Variants in HERC2 observed in about 807,000 individuals in gnomAD.
HERC2 encodes HECT and RLD domain containing E3 ubiquitin protein ligase 2.
In HERC2, 102 loss-of-function variants were observed where a neutral mutation model predicts 537.7. The ratio of observed to expected loss-of-function variants is 0.19; its 90% CI spans 0.16 to 0.22. The LOEUF is 0.22. Among genes scored for constraint, HERC2 ranks in the 10% least tolerant of loss-of-function variants. The pLI is 1.00. For missense variants in HERC2, 4,236 were observed against 6,198.2 expected (o/e 0.68, Z 10.63); for synonymous variants, 2,224 against 2,466.2 (o/e 0.90, Z 2.91).
In HERC2 at chr15:28,314,644, C is replaced by A. The variant is rs141541560; in HGVS notation, c.72+6718G>T. Among the ~76,000 whole-genome samples, 228 of 151,910 alleles carry A rather than the reference C, an allele frequency of 1.5e-3. 1 individual carries two copies. The highest frequency in any genetic ancestry group is 3.2e-3 in the Admixed American group (48 of 15,238). On this transcript the variant is annotated intron_variant, in intron 2 of 92. Transcript: ENST00000261609. ...GGCCAAGGCGGGCGGATCATGAGGTCAGGAGTTCAAGACCAGCCTGGCCAA... is the reference window on the plus strand; with the variant it reads ...GGCCAAGGCGGGCGGATCATGAGGTAAGGAGTTCAAGACCAGCCTGGCCAA...
chr15:28,169,796 A>G (rs1894509432), intron 65 of HERC2, 141 bp from the exon 66 acceptor site: 2 of 692,170 alleles, frequency 2.9e-6, no homozygotes, highest in Non-Finnish European at 4.7e-6. Context: ...CAGGCTCATT[A>G]ATAGGCCTTC....
At chr15:28,301,681 C>T (rs1400097106) in intron 2 of HERC2, among the ~76,000 whole-genome samples, 1 of 123,592 alleles carries the variant, frequency 8.1e-6, no homozygotes, top group Non-Finnish European at 1.6e-5. Context: ...CAGATGTTTG[C>T]CCATCTTTTT....
Position 28,292,881 on chromosome 15 carries a change from A to G in HERC2, c.322+7T>C. ...CCTTTCCAAAGTGCCAAAATTCACA[A>G]GATTACCTGGTTGCTTGCCCCATAC... On this transcript the variant is annotated splice_region_variant and intron_variant, in intron 4 of 92. Coordinates refer to ENST00000261609, the MANE Select transcript of HERC2 (RefSeq NM_004667.6). 6.2e-7 allele frequency: 1 copy of G among 1,609,264 alleles called. No homozygotes were observed. Among genetic ancestry groups the G allele is most frequent in the Non-Finnish European group, 8.5e-7 (1 of 1,179,468 alleles).
At chr15:28,168,677 G>A in intron 66 of HERC2, 87 bp from the exon 67 acceptor site, 2 of 1,238,108 alleles carry the variant, frequency 1.6e-6, no homozygotes, top group Non-Finnish European at 2.2e-6. Flanking sequence ...AGCACGCACT[G>A]AGGCGTTTCC....
chr15:28,111,063 T>C lies in HERC2; in HGVS notation c.*700A>G, dbSNP rs1478512326. On this transcript the variant is annotated 3_prime_UTR_variant, in exon 93 of 93. Transcript: ENST00000261609. ...ACTTTTATGTCAGATGTTTTATTTA[T>C]AGATAATTAAAATTTAGGCATATAC... is the stretch of plus-strand genomic sequence containing the variant. 1.3e-5 allele frequency: 2 copies of C among 152,260 alleles called. No individual in the cohort carries two copies. Among genetic ancestry groups the C allele is most frequent in the Non-Finnish European group, 2.9e-5 (2 of 68,048 alleles). 9.4% of individuals were successfully genotyped at this position (152,260 alleles called of 1,614,324 possible).
At chr15:28,279,651 A>ACACACACACACAC (rs2075971136) in intron 5 of HERC2, among the ~76,000 whole-genome samples, 3 of 150,936 alleles carry the variant, frequency 2.0e-5, no homozygotes, top group Admixed American at 6.6e-5. Context: ...ACACACACAC[A>ACACACACACACAC]AATTGTTTTT....
intron 44 of HERC2, among the ~76,000 whole-genome samples, chr15:28,209,711 T>C (rs1421749606): frequency 1.3e-5 from 2 of 152,128 alleles, no homozygotes; most frequent in Admixed American, 1.3e-4. Context: ...ACTACACCAT[T>C]TTATAGAAGG....
intron 65 of HERC2, among the ~76,000 whole-genome samples, chr15:28,172,983 C>T (rs1037283160): frequency 2.0e-5 from 3 of 152,194 alleles, no homozygotes; most frequent in East Asian, 3.9e-4. Context: ...GTATCTGATT[C>T]GTAAATAAGC....
intron 69 of HERC2, among the ~76,000 whole-genome samples, chr15:28,156,331 T>C (rs1336303223): frequency 2.0e-5 from 3 of 152,216 alleles, no homozygotes; most frequent in Non-Finnish European, 4.4e-5. Flanking sequence ...GGGATGGCAT[T>C]GAATCTATAA....
rs931834874 is a variant in HERC2 at position 28,115,159 on chromosome 15, G to A, written c.13722+270C>T. The A allele has an allele frequency of 3.3e-5, 17 of 511,746 alleles. No individual in the cohort carries two copies. The Admixed American group carries it at 5.2e-4, about 16-fold the overall frequency. 31.7% of individuals were successfully genotyped at this position (511,746 alleles called of 1,614,324 possible). ...GCCTCCCGTGCAAGCCTGACTCACG[G>A]CCCCCAGCTGCCCAAAAGCTCAGCT... On this transcript the variant is annotated intron_variant, in intron 89 of 92. Transcript: ENST00000261609.
intron 15 of HERC2, among the ~76,000 whole-genome samples, chr15:28,262,053 G>GTAT (rs1304574878): frequency 6.6e-6 from 1 of 152,132 alleles, no homozygotes; most frequent in Non-Finnish European, 1.5e-5. Flanking sequence ...TAAGAAAAAG[G>GTAT]CTGCCCACCC....
chr15:28,122,320 G>T lies in HERC2; in HGVS notation c.13189-891C>A, dbSNP rs1346444569. Among the ~76,000 whole-genome samples the T allele has an allele frequency of 6.6e-6, 1 of 152,234 alleles. No homozygotes were observed. Among genetic ancestry groups the T allele is most frequent in the Non-Finnish European group, 1.5e-5 (1 of 68,036 alleles). On this transcript the variant is annotated intron_variant, in intron 85 of 92. Transcript: ENST00000261609. This position sits in a 1 kb window ranked among gnomAD's most constrained non-coding sequence, Gnocchi z 4.1. ...AAAGGGATGAGACAGGTCAGCAGGGGTCTCAGCTCTCTTGGCCAAGGAGGC... is the reference window on the plus strand; with the variant it reads ...AAAGGGATGAGACAGGTCAGCAGGGTTCTCAGCTCTCTTGGCCAAGGAGGC...
chr15:28,272,121 G>T, intron 9 of HERC2, 94 bp downstream of exon 9: 1 of 1,183,632 alleles, frequency 8.4e-7, no homozygotes, highest in Non-Finnish European at 1.2e-6. Context: ...ACACGCCAGA[G>T]AAAAACACTG....
chr15:28,209,850 A>G (rs1177881216), intron 44 of HERC2, among the ~76,000 whole-genome samples: 2 of 152,106 alleles, frequency 1.3e-5, no homozygotes, highest in South Asian at 4.2e-4. Context: ...TGGATACACA[A>G]CATAAGAATA....
intron 17 of HERC2, 48 bp downstream of exon 17, chr15:28,257,013 C>G (rs1457842705): frequency 6.0e-6 from 9 of 1,503,344 alleles, no homozygotes; most frequent in Admixed American, 1.7e-5. Context: ...TCTTACAAAT[C>G]CCTAAGACAC....
chr15:28,314,806 A>T (rs1202295946), intron 2 of HERC2, among the ~76,000 whole-genome samples: 2 of 151,876 alleles, frequency 1.3e-5, no homozygotes, highest in Admixed American at 1.3e-4. Context: ...GGTTGCAGTG[A>T]GCCAAGATCG....
At position 28,114,757 on chromosome 15, in the gene HERC2, C is replaced by T. The variant is rs1888031686; in HGVS notation, c.13768G>A (p.Glu4590Lys). Residue 4590 changes from glutamate to lysine, a missense_variant, in exon 90 of 93, where the codon GAA (glutamate) becomes AAA (lysine). Coordinates refer to ENST00000261609, the MANE Select transcript of HERC2 (RefSeq NM_004667.6). ...GCTTCAAACTCCTCTGAGGTGGCTT[C>T]ATTGTCTCGGATGTACATGAGTCCA... Reference protein sequence around the residue: ...IPGLMYIRDNEATSEEFEAMS... With the variant: ...IPGLMYIRDNKATSEEFEAMS... 1.2e-6 allele frequency: 2 copies of T among 1,613,988 alleles called. No individual in the cohort carries two copies. Among genetic ancestry groups the T allele is most frequent in the South Asian group, 1.1e-5 (1 of 91,080 alleles).
Position 28,220,513 on chromosome 15 carries a change from C to G in HERC2, c.5784G>C (p.Leu1928=). The G allele has an allele frequency of 6.2e-7, 1 of 1,603,194 alleles. No homozygotes were observed. Among genetic ancestry groups the G allele is most frequent in the Non-Finnish European group, 8.5e-7 (1 of 1,179,816 alleles). The change falls in exon 37 of 93, where the codon CTG becomes CTC. Residue 1928 remains leucine, a synonymous_variant. Transcript: ENST00000261609. ...MGKEGKYDLK[L]AELPAAAQPS... ...GCTGTGCAGCAGCCGGCAGCTCTGC[C>G]AGCTTGAGGTCGTATTTTCCTTCTT...
chr15:28,211,964 G>A (rs1281065758), intron 43 of HERC2, among the ~76,000 whole-genome samples: 1 of 152,194 alleles, frequency 6.6e-6, no homozygotes, highest in Non-Finnish European at 1.5e-5. Flanking sequence ...AACAAACTCA[G>A]GAGAGCCGCA....
Sources: gnomAD v4.1 joint callset for allele counts (sites outside exome capture counted in the v4.1 genomes callset) on GRCh38, gnomAD v4.1.1 for gene constraint, Gnocchi (gnomAD v3.1) non-coding constraint, MANE v1.5 for transcripts, NCBI Gene and HGNC (gene_info 2026-07-23, HGNC 2026-07-21) for gene names.